SYT16: variants seen among roughly 807,000 people sequenced by gnomAD.
SYT16 encodes the protein synaptotagmin 16.
Under a neutral mutation model 61.4 loss-of-function variants are expected in SYT16, and 42 were observed. That is an observed-to-expected ratio of 0.68 (90% CI 0.53 to 0.89). The LOEUF is 0.89. SYT16 is among the 40% of genes least tolerant of loss of function. The probability of loss-of-function intolerance (pLI) is 0.00; values close to 1 mark genes in which losing one functional copy is unlikely to be tolerated. For synonymous variants in SYT16, 314 were observed against 302.3 expected (o/e 1.04, Z -0.40); for missense variants, 804 against 807.3 (o/e 1.00, Z 0.05).
At chr14:62,078,155 C>CTCTATATATATATATATATATATATA (rs766089633) in intron 5 of SYT16, among the ~76,000 whole-genome samples, 2 of 135,932 alleles carry the variant, frequency 1.5e-5, no homozygotes, top group African/African-American at 5.8e-5. Flanking sequence ...CTCTCTCTCT[C>CTCTATATATATATATATATATATATA]TATATATATA....
rs1555370067 is a variant in SYT16 at position 62,011,912 on chromosome 14, T to TATAC, written c.523+15371_523+15372insTACA. On this transcript the variant is annotated intron_variant, in intron 3 of 7. Coordinates refer to ENST00000683842, the MANE Select transcript of SYT16 (RefSeq NM_001367656.1). The stretch of plus-strand genomic sequence containing the variant: ...ACACACACACACACACACATATATA[T>TATAC]ACACACACACACACATATATATATA... 7.2e-5 allele frequency among the ~76,000 whole-genome samples: 6 copies of TATAC among 83,652 alleles called. 1 individual carries two copies. The highest frequency in any genetic ancestry group is 2.9e-4 in the African/African-American group (6 of 20,444). 54.9% of individuals were successfully genotyped at this position (83,652 alleles called of 152,430 possible). A position where few individuals can be genotyped will look rare whatever the true frequency, so the allele number is the denominator to read the frequency against.
chr14:62,006,328 T>G (rs981646931), intron 3 of SYT16, among the ~76,000 whole-genome samples: 2 of 152,152 alleles, frequency 1.3e-5, no homozygotes, highest in Non-Finnish European at 2.9e-5. Context: ...AGAGCAGTAT[T>G]AGGAAATACG....
At position 62,110,341 on chromosome 14, in the gene SYT16, ATTCATTCC is replaced by A. The variant is rs960896301; in HGVS notation, c.*9641_*9648del. The A allele has an allele frequency of 2.4e-4, 36 of 152,240 alleles. No homozygotes were observed. The highest frequency in any genetic ancestry group is 8.4e-4 in the African/African-American group (35 of 41,562). 9.4% of individuals were successfully genotyped at this position (152,240 alleles called of 1,614,324 possible). A position where few individuals can be genotyped will look rare whatever the true frequency, so the allele number is the denominator to read the frequency against. ...CCAGGTGGTTGTAGGAACAGGATTC[ATTCATTCC>A]TTCATTAATATAATGAACACTTTGA... is the stretch of plus-strand genomic sequence containing the variant. On this transcript the variant is annotated 3_prime_UTR_variant, in exon 8 of 8. Transcript: ENST00000683842.
At chr14:61,898,713 G>A (rs540000836) in intron 1 of SYT16, among the ~76,000 whole-genome samples, 9 of 152,286 alleles carry the variant, frequency 5.9e-5, no homozygotes, top group Non-Finnish European at 1.2e-4. Context: ...CAGCACAGGG[G>A]GATGTGTGTT....
At chr14:61,864,916 C>T in intron 1 of SYT16, 1 of 1,280,228 alleles carries the variant, frequency 7.8e-7, no homozygotes. Flanking sequence ...TGCTCCGTGT[C>T]TTAACCGGGG....
chr14:61,921,165 A>G (rs2049320789), intron 1 of SYT16, among the ~76,000 whole-genome samples: 1 of 152,218 alleles, frequency 6.6e-6, no homozygotes, highest in South Asian at 2.1e-4. Flanking sequence ...CATCTAGCAC[A>G]GAACCTGGCA....
intron 1 of SYT16, chr14:61,831,805 C>T (rs1466922381): frequency 3.8e-6 from 1 of 263,276 alleles, no homozygotes; most frequent in African/African-American, 2.2e-5. Context: ...AGTAAATAGG[C>T]ATGGAGTTAT....
At chr14:62,086,300 G>T (rs2056883972) in intron 7 of SYT16, among the ~76,000 whole-genome samples, 1 of 152,056 alleles carries the variant, frequency 6.6e-6, no homozygotes, top group African/African-American at 2.4e-5. Context: ...CCAACATGGA[G>T]AAACCCCAGC....
intron 2 of SYT16, among the ~76,000 whole-genome samples, chr14:61,972,009 A>C (rs192836761): frequency 5.6e-4 from 85 of 152,224 alleles, no homozygotes; most frequent in Admixed American, 2.6e-3. Context: ...GCTGGCTGTC[A>C]CTCGTTATGT....
chr14:61,995,850 G>GT, intron 2 of SYT16, 26 bp from the exon 3 acceptor site: 1 of 638,780 alleles, frequency 1.6e-6, no homozygotes, highest in Non-Finnish European at 2.5e-6. Flanking sequence ...TTTAACAGGT[G>GT]TAAGTATTTC....
At chr14:62,074,533 T>A (rs1243579967) in intron 4 of SYT16, among the ~76,000 whole-genome samples, 1 of 152,186 alleles carries the variant, frequency 6.6e-6, no homozygotes, top group Non-Finnish European at 1.5e-5. Flanking sequence ...TATTATTTCA[T>A]GTGTCCACAG....
chr14:61,831,548 T>C (rs950621029), intron 1 of SYT16, among the ~76,000 whole-genome samples: 2 of 152,212 alleles, frequency 1.3e-5, no homozygotes, highest in Non-Finnish European at 2.9e-5. Context: ...GAGTATTGTC[T>C]CTCTCCCATT....
At chr14:61,832,074 T>G in intron 1 of SYT16, 1 of 722,304 alleles carries the variant, frequency 1.4e-6, no homozygotes, top group South Asian at 1.4e-5. Context: ...CGTCTTCCAC[T>G]CGTTCACGCC....
intron 1 of SYT16, among the ~76,000 whole-genome samples, chr14:61,920,978 A>T (rs972298478): frequency 6.6e-6 from 1 of 152,220 alleles, no homozygotes; most frequent in Non-Finnish European, 1.5e-5. Flanking sequence ...AAAGAGCCTC[A>T]GCCTTCAGTA....
At chr14:62,044,538 G>T (rs2054885459) in intron 3 of SYT16, among the ~76,000 whole-genome samples, 1 of 152,104 alleles carries the variant, frequency 6.6e-6, no homozygotes, top group African/African-American at 2.4e-5. Context: ...ACTTATGGGT[G>T]AGAACATGAG....
At chr14:61,904,223 T>C (rs2048621499) in intron 1 of SYT16, among the ~76,000 whole-genome samples, 1 of 152,208 alleles carries the variant, frequency 6.6e-6, no homozygotes. Flanking sequence ...ATACCACATG[T>C]GGGACTTGAT....
intron 3 of SYT16, among the ~76,000 whole-genome samples, chr14:62,037,529 G>A (rs909248505): frequency 2.0e-5 from 3 of 152,064 alleles, no homozygotes; most frequent in Non-Finnish European, 1.5e-5. Context: ...ATCTAAAACT[G>A]GAATGTTTTT....
intron 3 of SYT16, among the ~76,000 whole-genome samples, chr14:62,007,133 G>C (rs1351461760): frequency 6.6e-6 from 1 of 152,144 alleles, no homozygotes; most frequent in Non-Finnish European, 1.5e-5. Context: ...GATTGCTTGT[G>C]GCAATTGAGA....
At chr14:61,933,116 T>A (rs2049841754) in intron 1 of SYT16, among the ~76,000 whole-genome samples, 1 of 152,216 alleles carries the variant, frequency 6.6e-6, no homozygotes, top group Non-Finnish European at 1.5e-5. Flanking sequence ...GGCACTTGTT[T>A]GTTTGTTATA....
Sources: allele counts gnomAD v4.1 joint callset (sites outside exome capture counted in the v4.1 genomes callset), GRCh38; gene constraint gnomAD v4.1.1; transcripts MANE v1.5; gene names NCBI Gene and HGNC (gene_info 2026-07-23, HGNC 2026-07-21).